Variants in MYO6 observed in about 807,000 individuals in gnomAD.
MYO6 encodes the protein unconventional myosin-VI.
In MYO6, 74 loss-of-function variants were observed where a neutral mutation model predicts 178.7. That is an observed-to-expected ratio of 0.41 (90% confidence interval 0.34 to 0.50). The LOEUF (loss-of-function observed/expected upper bound fraction) is 0.50, where lower values mean the gene tolerates loss of function less well. Among genes scored for constraint, MYO6 ranks in the 20% least tolerant of loss-of-function variants. The probability of loss-of-function intolerance (pLI) is 0.09; values close to 1 mark genes in which losing one functional copy is unlikely to be tolerated. For synonymous variants in MYO6, 477 were observed against 504.6 expected, an observed-to-expected ratio of 0.95 and a Z score of 0.73; for missense variants, 1,330 against 1,547.4, an observed-to-expected ratio of 0.86 and a Z score of 2.36.
Position 75,769,518 on chromosome 6 carries a change from G to T in MYO6, c.-48+20095G>T, listed in dbSNP as rs188907229. Among the ~76,000 whole-genome samples, 3 of 152,338 alleles carry T rather than the reference G, an allele frequency of 2.0e-5. No homozygotes were observed. In the East Asian group the frequency reaches 5.8e-4, roughly 29 times the overall value. On this transcript the variant is annotated intron_variant, in intron 1 of 34. Coordinates refer to ENST00000369977, the MANE Select transcript of MYO6 (RefSeq NM_004999.4). ...TTAAAGCTTTAAAATAATCCCCTTTGACTCTGTGTTCCACATCCAGGGCAC... is the reference window on the plus strand; with the variant it reads ...TTAAAGCTTTAAAATAATCCCCTTTTACTCTGTGTTCCACATCCAGGGCAC...
intron 32 of MYO6, among the ~76,000 whole-genome samples, chr6:75,908,956 C>G (rs1780558070): frequency 6.6e-6 from 1 of 152,148 alleles, no homozygotes; most frequent in African/African-American, 2.4e-5. Context: ...TCAGGATTGC[C>G]ATGCATCTTT....
At chr6:75,877,139 G>T (rs1260143567) in intron 20 of MYO6, among the ~76,000 whole-genome samples, 2 of 152,032 alleles carry the variant, frequency 1.3e-5, no homozygotes, top group African/African-American at 2.4e-5. Flanking sequence ...CACCATGCTG[G>T]CTAATTTTGT....
At chr6:75,770,672 T>A (rs1304601235) in intron 1 of MYO6, among the ~76,000 whole-genome samples, 1 of 152,212 alleles carries the variant, frequency 6.6e-6, no homozygotes, top group African/African-American at 2.4e-5. Flanking sequence ...ACATGGGGCT[T>A]CGCCATGTTA....
intron 20 of MYO6, among the ~76,000 whole-genome samples, chr6:75,874,053 T>G (rs1284966876): frequency 6.6e-6 from 1 of 152,184 alleles, no homozygotes; most frequent in African/African-American, 2.4e-5. Context: ...TAAACTTTCT[T>G]CTCTGACTCC....
intron 1 of MYO6, among the ~76,000 whole-genome samples, chr6:75,784,776 CAA>C (rs754218278): frequency 1.5e-4 from 8 of 54,404 alleles, no homozygotes; most frequent in African/African-American, 5.2e-4. Flanking sequence ...GACTCCGTCT[CAA>C]AAAAAAAAAA....
chr6:75,895,891 T>C (rs1361154379), intron 29 of MYO6, among the ~76,000 whole-genome samples: 1 of 152,156 alleles, frequency 6.6e-6, no homozygotes, highest in East Asian at 1.9e-4. Flanking sequence ...TAAATAATAA[T>C]AAAATATTTG....
At chr6:75,881,480 C>T (rs1778023400) in intron 22 of MYO6, among the ~76,000 whole-genome samples, 1 of 145,804 alleles carries the variant, frequency 6.9e-6, no homozygotes, top group Non-Finnish European at 1.5e-5. Context: ...AACCTCCTTA[C>T]CTCCAAAAAA....
At chr6:75,773,078 A>C (rs1766042759) in intron 1 of MYO6, among the ~76,000 whole-genome samples, 1 of 152,232 alleles carries the variant, frequency 6.6e-6, no homozygotes. Context: ...GAAGTGAAAT[A>C]ATATAGTTGG....
chr6:75,800,547 T>G (rs2150115510), intron 1 of MYO6, among the ~76,000 whole-genome samples: 1 of 152,242 alleles, frequency 6.6e-6, no homozygotes, highest in South Asian at 2.1e-4. Context: ...AATTGTCATT[T>G]AATAAGAAGA....
intron 1 of MYO6, among the ~76,000 whole-genome samples, chr6:75,779,306 A>G (rs1001900728): frequency 2.0e-5 from 3 of 152,148 alleles, no homozygotes; most frequent in African/African-American, 7.2e-5. Flanking sequence ...GTTTGAGAAC[A>G]GCCTGGCCAA....
At chr6:75,905,330 G>T (rs980593336) in intron 30 of MYO6, among the ~76,000 whole-genome samples, 1 of 152,192 alleles carries the variant, frequency 6.6e-6, no homozygotes, top group Non-Finnish European at 1.5e-5. Context: ...CCTCACTGCC[G>T]CCTTGCAGTT....
chr6:75,856,761 T>C (rs1775752665), intron 12 of MYO6, among the ~76,000 whole-genome samples: 1 of 152,184 alleles, frequency 6.6e-6, no homozygotes, highest in African/African-American at 2.4e-5. Context: ...TTATCCTGAA[T>C]TAAACACTGT....
chr6:75,848,361 C>T lies in MYO6; in HGVS notation c.908C>T (p.Ala303Val), dbSNP rs776690609. 2.5e-6 allele frequency: 4 copies of T among 1,613,366 alleles called. No individual in the cohort carries two copies. In the Middle Eastern group the frequency reaches 5.0e-4, roughly 200 times the overall value. Residue 303 changes from alanine (A) to valine (V), a missense_variant, in exon 11 of 35, where the codon GCA (alanine) becomes GTA (valine). By Grantham distance (64) the Ala-to-Val change is moderately conservative. Around this residue, in one of 3 missense-constraint regions of MYO6, gnomAD observed 613 missense variants for 816.8 expected, o/e 0.75. Transcript: ENST00000369977. Reference sequence around the variant, plus strand: ...CTTCTTGTTTTGTAGTACCTTAAGGCAGGTTCTATGAAAGATCCTCTGCTA... The same window carrying T: ...CTTCTTGTTTTGTAGTACCTTAAGGTAGGTTCTATGAAAGATCCTCTGCTA... Reference protein sequence around the residue: ...QNRKSPEYLKAGSMKDPLLDD... With the variant: ...QNRKSPEYLKVGSMKDPLLDD...
intron 1 of MYO6, among the ~76,000 whole-genome samples, chr6:75,817,228 C>G (rs571759275): frequency 8.0e-5 from 12 of 150,372 alleles, no homozygotes; most frequent in Non-Finnish European, 1.5e-4. Flanking sequence ...TGGCGTGATC[C>G]TGGGAGGCGG....
chr6:75,811,246 TTGTAC>T (rs902923258), intron 1 of MYO6, among the ~76,000 whole-genome samples: 2 of 152,342 alleles, frequency 1.3e-5, no homozygotes, highest in Non-Finnish European at 2.9e-5. Flanking sequence ...TTCTGGAACC[TTGTAC>T]TGAATTTCTT....
At chr6:75,899,961 C>T (rs1490568339) in intron 30 of MYO6, among the ~76,000 whole-genome samples, 2 of 145,544 alleles carry the variant, frequency 1.4e-5, no homozygotes, top group Non-Finnish European at 3.0e-5. Context: ...GTTCAGTTCC[C>T]ACCTATGAGT....
At chr6:75,851,620 TAGTG>T (rs1775270638) in intron 11 of MYO6, among the ~76,000 whole-genome samples, 1 of 149,970 alleles carries the variant, frequency 6.7e-6, no homozygotes, top group African/African-American at 2.5e-5. Context: ...CTGGGCGACA[TAGTG>T]AGACCCCATA....
chr6:75,880,151 ACAT>A, intron 22 of MYO6, 31 bp downstream of exon 22: 1 of 1,476,466 alleles, frequency 6.8e-7, no homozygotes, highest in African/African-American at 1.4e-5. Flanking sequence ...TTAAACTGTA[ACAT>A]CATGAAAACA....
chr6:75,802,518 C>CT (rs1262875228), intron 1 of MYO6, among the ~76,000 whole-genome samples: 1 of 143,854 alleles, frequency 7.0e-6, no homozygotes, highest in Non-Finnish European at 1.5e-5. Context: ...GAGTCTCGCT[C>CT]TGTCACCCAG....
Sources: gnomAD v4.1 joint callset for allele counts (sites outside exome capture counted in the v4.1 genomes callset) on GRCh38, gnomAD v4.1.1 for gene constraint, gnomAD v4.1.1 regional missense constraint, MANE v1.5 for transcripts, NCBI Gene and HGNC (gene_info 2026-07-23, HGNC 2026-07-21) for gene names.